MEIS1: variants seen among roughly 807,000 people sequenced by gnomAD.
MEIS1 encodes the protein Meis homeobox 1.
MEIS1 carries 5 observed loss-of-function variants against 50.8 expected under a neutral mutation model. That is an observed-to-expected ratio of 0.10 (90% confidence interval 0.05 to 0.21). The LOEUF (loss-of-function observed/expected upper bound fraction) is 0.21. MEIS1 is among the 10% of genes least tolerant of loss of function. The pLI, the probability that MEIS1 is intolerant of heterozygous loss-of-function variation, is 1.00. For synonymous variants in MEIS1, 176 were observed against 179.3 expected (o/e 0.98, Z 0.15); for missense variants, 318 against 517.3 (o/e 0.61, Z 3.74).
At chr2:66,518,509 A>G (rs1032680000) in intron 8 of MEIS1, among the ~76,000 whole-genome samples, 1 of 152,228 alleles carries the variant, frequency 6.6e-6, no homozygotes, top group African/African-American at 2.4e-5. Context: ...GACTTTTTAC[A>G]ATTTGTTAGG....
chr2:66,554,326 G>C (rs925729392), intron 9 of MEIS1, among the ~76,000 whole-genome samples: 1 of 152,230 alleles, frequency 6.6e-6, no homozygotes, highest in African/African-American at 2.4e-5. Flanking sequence ...CAGTGTGTCT[G>C]TAAGTATCTG....
chr2:66,571,451 G>C lies in MEIS1; in HGVS notation c.*243G>C, dbSNP rs1486953849. ...GACCGCCCCACCCTGGAATGCCAAT[G>C]TCAGCATCAAGCCCCACAGTTCTTA... On this transcript the variant is annotated 3_prime_UTR_variant, in exon 13 of 13. Transcript: ENST00000272369. 2 of 1,603,882 alleles carry C rather than the reference G, an allele frequency of 1.2e-6. No individual in the cohort carries two copies.
At chr2:66,555,279 TC>T (rs200210270) in intron 9 of MEIS1, among the ~76,000 whole-genome samples, 34 of 15,156 alleles carry the variant, frequency 2.2e-3, no homozygotes, top group East Asian at 0.071. Flanking sequence ...TCTCTCTCTC[TC>T]GTCTCTCTCC....
intron 9 of MEIS1, among the ~76,000 whole-genome samples, chr2:66,565,943 A>C (rs147617337): frequency 6.4e-4 from 97 of 152,316 alleles, no homozygotes; most frequent in African/African-American, 2.2e-3. Flanking sequence ...GTTATTTCAC[A>C]TGGTGTTTGT....
intron 8 of MEIS1, among the ~76,000 whole-genome samples, chr2:66,534,336 C>T (rs1413977905): frequency 1.3e-5 from 2 of 152,072 alleles, no homozygotes; most frequent in Non-Finnish European, 2.9e-5. Context: ...GGGTTTGAGA[C>T]CAGCCTGTCC....
At chr2:66,560,516 G>A (rs1358580787) in intron 9 of MEIS1, among the ~76,000 whole-genome samples, 1 of 151,482 alleles carries the variant, frequency 6.6e-6, no homozygotes, top group African/African-American at 2.4e-5. Context: ...AGCCAGGGAG[G>A]TGGAGGTTGC....
chr2:66,446,182 TGCGGGTTCGA>T (rs1672140109), intron 6 of MEIS1, among the ~76,000 whole-genome samples: 1 of 152,066 alleles, frequency 6.6e-6, no homozygotes, highest in South Asian at 2.1e-4. Context: ...CAGAGAACGA[TGCGGGTTCGA>T]CCGGAAGCGG....
chr2:66,515,775 AAAT>A lies in MEIS1; in HGVS notation c.888+3487_888+3489del, dbSNP rs1442487356. Among the ~76,000 whole-genome samples the A allele has an allele frequency of 8.5e-5, 13 of 152,318 alleles. No homozygotes were observed. In the South Asian group the frequency reaches 1.5e-3, roughly 17 times the overall value. ...TTGAAAGGAATGACTGACATGATTT[AAAT>A]AATAAGAGAGAATTAGAAAGAAAAT... On this transcript the variant is annotated intron_variant, in intron 8 of 12. Coordinates refer to ENST00000272369, the MANE Select transcript of MEIS1 (RefSeq NM_002398.3).
chr2:66,435,621 T>C lies in MEIS1; in HGVS notation c.-236T>C. 1 of 408,978 alleles carries C rather than the reference T, an allele frequency of 2.4e-6. No homozygotes were observed. The highest frequency in any genetic ancestry group is 4.4e-6 in the Non-Finnish European group (1 of 228,660). 25.3% of individuals were successfully genotyped at this position (408,978 alleles called of 1,614,324 possible). A position where few individuals can be genotyped will look rare whatever the true frequency, so the allele number is the denominator to read the frequency against. ...ATCTGCTTTTTTTTGCCCCCGCTGC[T>C]GTCTTGGAAACGGAGCGCTTTTATG... On this transcript the variant is annotated 5_prime_UTR_variant, in exon 1 of 13. Coordinates refer to ENST00000272369, the MANE Select transcript of MEIS1 (RefSeq NM_002398.3).
At chr2:66,439,419 G>A (rs1671892459) in intron 2 of MEIS1, 5 of 1,296,928 alleles carry the variant, frequency 3.9e-6, no homozygotes, top group Middle Eastern at 5.8e-4. Flanking sequence ...CGGCCGCCTA[G>A]GAGGAACCCG....
chr2:66,440,071 A>ACACACCCC, intron 3 of MEIS1, 87 bp downstream of exon 3: 1 of 1,013,918 alleles, frequency 9.9e-7, no homozygotes, highest in Non-Finnish European at 1.4e-6. Flanking sequence ...GCGCGCGAAC[A>ACACACCCC]CACACACACA....
chr2:66,478,069 A>G (rs1251039413), intron 7 of MEIS1, among the ~76,000 whole-genome samples: 1 of 152,118 alleles, frequency 6.6e-6, no homozygotes, highest in East Asian at 1.9e-4. Flanking sequence ...AAAGTAGCGT[A>G]CTTCATTTTG....
chr2:66,461,760 G>C (rs754412759), intron 6 of MEIS1: 1 of 420,810 alleles, frequency 2.4e-6, no homozygotes, highest in Non-Finnish European at 4.9e-6. Flanking sequence ...AGCATCTAAG[G>C]CCCAACACAA....
intron 8 of MEIS1, among the ~76,000 whole-genome samples, chr2:66,514,441 T>A (rs1673912731): frequency 6.6e-6 from 1 of 152,198 alleles, no homozygotes; most frequent in Non-Finnish European, 1.5e-5. Flanking sequence ...GGGGCAATTG[T>A]AATCGAAATT....
chr2:66,441,474 C>A lies in MEIS1; in HGVS notation c.483+10C>A, dbSNP rs780328479. 2.6e-6 allele frequency: 4 copies of A among 1,540,696 alleles called. No individual in the cohort carries two copies. In the South Asian group the frequency reaches 5.0e-5, roughly 19 times the overall value. ...ATTGGAATTAGAGAAGGTAATTTCT[C>A]TAGCCTCTTTTCCTTTTACTTACCC... On this transcript the variant is annotated intron_variant, in intron 5 of 12. Transcript: ENST00000272369.
intron 8 of MEIS1, among the ~76,000 whole-genome samples, chr2:66,545,871 CAAAG>C (rs1405817331): frequency 6.6e-6 from 1 of 152,158 alleles, no homozygotes; most frequent in Non-Finnish European, 1.5e-5. Context: ...GTGAATGAAG[CAAAG>C]AAAGTAGTGT....
intron 7 of MEIS1, among the ~76,000 whole-genome samples, chr2:66,474,308 G>A (rs1672838128): frequency 1.3e-5 from 2 of 152,094 alleles, no homozygotes. Context: ...GGGATTATAG[G>A]GCTGAGGTGA....
chr2:66,551,278 A>G lies in MEIS1; in HGVS notation c.965+3259A>G, dbSNP rs867945756. On this transcript the variant is annotated intron_variant, in intron 9 of 12. Transcript: ENST00000272369. Reference sequence around the variant, plus strand: ...AACTAATTTTACATTTCTCGAATTGACAGTGATATATACTACCTGCCTCAG... The same window carrying G: ...AACTAATTTTACATTTCTCGAATTGGCAGTGATATATACTACCTGCCTCAG... 2.6e-5 allele frequency among the ~76,000 whole-genome samples: 4 copies of G among 152,268 alleles called. No homozygotes were observed. The South Asian group carries it at 8.3e-4, about 32-fold the overall frequency.
intron 2 of MEIS1, chr2:66,439,451 T>A: frequency 7.3e-7 from 1 of 1,365,584 alleles, no homozygotes; most frequent in Non-Finnish European, 9.4e-7. Flanking sequence ...CCTCCCCAAC[T>A]CTCCGCCCGG....
Sources: gnomAD v4.1 joint callset for allele counts (sites outside exome capture counted in the v4.1 genomes callset) on GRCh38, gnomAD v4.1.1 for gene constraint, MANE v1.5 for transcripts, NCBI Gene and HGNC (gene_info 2026-07-23, HGNC 2026-07-21) for gene names.